ANO6: variants seen among roughly 807,000 people sequenced by gnomAD.
ANO6 encodes anoctamin 6.
A neutral mutation model predicts 117.5 loss-of-function variants in ANO6; 106 were observed. That is an observed-to-expected ratio of 0.90 (90% CI 0.77 to 1.06). The LOEUF (loss-of-function observed/expected upper bound fraction) is 1.06. ANO6 is among the 50% of genes least tolerant of loss of function. The pLI, the probability that ANO6 is intolerant of heterozygous loss-of-function variation, is 0.00. For synonymous variants in ANO6, 367 were observed against 385.1 expected (o/e 0.95, Z 0.55); for missense variants, 955 against 1,121.1 (o/e 0.85, Z 2.12).
chr12:45,378,942 C>A (rs949571522), intron 10 of ANO6, among the ~76,000 whole-genome samples: 2 of 152,164 alleles, frequency 1.3e-5, no homozygotes, highest in African/African-American at 2.4e-5. Flanking sequence ...CATATGGGAA[C>A]TTTACCACTA....
In ANO6 at chr12:45,430,673, T is replaced by TACCA; in HGVS notation, c.*1363_*1366dup. On this transcript the variant is annotated 3_prime_UTR_variant, in exon 20 of 20. Transcript: ENST00000320560. ...AGGAAAAGGGTTTGGTCACAAACCC[T>TACCA]ACCATTATCTGGAGATTACTTCCTG... 1.0e-6 allele frequency: 1 copy of TACCA among 985,476 alleles called. No homozygotes were observed. Among genetic ancestry groups the TACCA allele is most frequent in the Non-Finnish European group, 1.2e-6 (1 of 829,958 alleles). 61.0% of individuals were successfully genotyped at this position (985,476 alleles called of 1,614,324 possible). A position where few individuals can be genotyped will look rare whatever the true frequency, so the allele number is the denominator to read the frequency against.
chr12:45,339,843 A>G (rs543494533), intron 3 of ANO6, among the ~76,000 whole-genome samples: 7 of 152,268 alleles, frequency 4.6e-5, no homozygotes, highest in South Asian at 2.1e-4. Flanking sequence ...TGAAAATACA[A>G]TGACAGCACC....
intron 12 of ANO6, among the ~76,000 whole-genome samples, chr12:45,391,900 G>C (rs1942462787): frequency 6.6e-6 from 1 of 152,138 alleles, no homozygotes; most frequent in Non-Finnish European, 1.5e-5. Flanking sequence ...TGGCCAAATA[G>C]GAACAGCTCC....
At chr12:45,412,532 C>T (rs1377204625) in intron 16 of ANO6, among the ~76,000 whole-genome samples, 2 of 152,206 alleles carry the variant, frequency 1.3e-5, no homozygotes, top group African/African-American at 4.8e-5. Flanking sequence ...CCCACCGATG[C>T]CTCTGCTGCA....
At chr12:45,378,660 A>G (rs551732644) in intron 10 of ANO6, among the ~76,000 whole-genome samples, 44 of 152,304 alleles carry the variant, frequency 2.9e-4, no homozygotes, top group Non-Finnish European at 4.4e-4. Flanking sequence ...ACCAGCATCA[A>G]TGTGGGGCGG....
chr12:45,354,815 A>G (rs1349744543), intron 7 of ANO6, among the ~76,000 whole-genome samples: 3 of 152,216 alleles, frequency 2.0e-5, no homozygotes, highest in African/African-American at 7.2e-5. Flanking sequence ...TAGAATCATA[A>G]TAATGTAAAG....
chr12:45,236,469 A>T (rs561193526), intron 1 of ANO6, among the ~76,000 whole-genome samples: 1 of 152,190 alleles, frequency 6.6e-6, no homozygotes, highest in East Asian at 1.9e-4. Context: ...ACTATAAATG[A>T]GAACATGAGT....
chr12:45,232,318 G>A (rs1947584839), intron 1 of ANO6, among the ~76,000 whole-genome samples: 1 of 152,182 alleles, frequency 6.6e-6, no homozygotes, highest in Non-Finnish European at 1.5e-5. Context: ...GAGCAACAAA[G>A]AAGACTGAAG....
At chr12:45,274,755 C>T (rs1354449091) in intron 1 of ANO6, among the ~76,000 whole-genome samples, 1 of 150,786 alleles carries the variant, frequency 6.6e-6, no homozygotes, top group Non-Finnish European at 1.5e-5. Context: ...GCTCTAGCCA[C>T]ACCTGTCCCT....
At chr12:45,249,326 A>G (rs1486291867) in intron 1 of ANO6, among the ~76,000 whole-genome samples, 1 of 152,226 alleles carries the variant, frequency 6.6e-6, no homozygotes, top group Non-Finnish European at 1.5e-5. Context: ...AATGTTTGCA[A>G]ATATTTTTAA....
chr12:45,308,020 CGTGTGTGTGTCTGTGT>C (rs1565678849), intron 2 of ANO6, among the ~76,000 whole-genome samples: 1 of 134,706 alleles, frequency 7.4e-6, no homozygotes, highest in African/African-American at 2.7e-5. Context: ...GTAACACTTC[CGTGTGTGTGTCTGTGT>C]GTGTGTGTGT....
chr12:45,322,359 G>A (rs1038264342), intron 2 of ANO6, among the ~76,000 whole-genome samples: 3 of 152,104 alleles, frequency 2.0e-5, no homozygotes, highest in Non-Finnish European at 4.4e-5. Context: ...GGAGTAGAGA[G>A]AGGAAGGACC....
At chr12:45,392,602 C>G (rs114788261) in intron 12 of ANO6, among the ~76,000 whole-genome samples, 3 of 152,094 alleles carry the variant, frequency 2.0e-5, no homozygotes, top group African/African-American at 4.8e-5. Context: ...CACTGGGGGC[C>G]GACAGACACC....
intron 19 of ANO6, among the ~76,000 whole-genome samples, chr12:45,437,608 C>T (rs979149410): frequency 3.3e-5 from 5 of 151,968 alleles, no homozygotes; most frequent in African/African-American, 4.8e-5. Flanking sequence ...CTCGCTCTGT[C>T]GCCCAGGCTG....
At chr12:45,278,613 T>C (rs899380801) in intron 1 of ANO6, among the ~76,000 whole-genome samples, 1 of 152,238 alleles carries the variant, frequency 6.6e-6, no homozygotes, top group African/African-American at 2.4e-5. Flanking sequence ...ATCTTGTCCT[T>C]ATTTCATGGA....
intron 2 of ANO6, among the ~76,000 whole-genome samples, chr12:45,318,105 T>A (rs1940117110): frequency 6.6e-6 from 1 of 152,244 alleles, no homozygotes; most frequent in African/African-American, 2.4e-5. Context: ...TTTCTTTTGC[T>A]GTGCAGAAGC....
intron 1 of ANO6, among the ~76,000 whole-genome samples, chr12:45,260,860 TCAC>T (rs1938003985): frequency 6.6e-6 from 1 of 152,178 alleles, no homozygotes; most frequent in South Asian, 2.1e-4. Flanking sequence ...CCATCTTGGC[TCAC>T]CACAGCCTCA....
At chr12:45,344,392 A>G (rs772605099) in intron 3 of ANO6, among the ~76,000 whole-genome samples, 30 of 152,360 alleles carry the variant, frequency 2.0e-4, no homozygotes, top group South Asian at 6.2e-4. Context: ...TATAAAGACG[A>G]GGTTTAAATG....
intron 1 of ANO6, among the ~76,000 whole-genome samples, chr12:45,288,474 A>G (rs1938989820): frequency 6.6e-6 from 1 of 152,166 alleles, no homozygotes. Flanking sequence ...AGTACTTCAT[A>G]TATGTGGAAT....
Sources: gnomAD v4.1 joint callset for allele counts (sites outside exome capture counted in the v4.1 genomes callset) on GRCh38, gnomAD v4.1.1 for gene constraint, MANE v1.5 for transcripts, NCBI Gene and HGNC (gene_info 2026-07-23, HGNC 2026-07-21) for gene names.